OPHN1: variants seen among roughly 807,000 people sequenced by gnomAD.
OPHN1 encodes the protein oligophrenin 1.
OPHN1 carries 11 observed loss-of-function variants against 60.7 expected under a neutral mutation model. The observed-to-expected ratio is 0.18, with a 90% CI of 0.11 to 0.30. OPHN1 has a LOEUF of 0.30. Ranked by LOEUF, OPHN1 falls within the 10% of genes least tolerant of loss-of-function variation. The pLI, the probability that OPHN1 is intolerant of heterozygous loss-of-function variation, is 1.00. For missense variants in OPHN1, 449 were observed against 611.0 expected, an observed-to-expected ratio of 0.73 and a Z score of 2.80; for synonymous variants, 226 against 222.6, an observed-to-expected ratio of 1.02 and a Z score of -0.14.
At chrX:68,183,962 T>C (rs1412957570) in intron 15 of OPHN1, among the ~76,000 whole-genome samples, 1 of 111,849 alleles carries the variant, frequency 8.9e-6, no homozygotes, top group African/African-American at 3.3e-5. Flanking sequence ...ATAACAAATA[T>C]AACCTGACTC....
intron 2 of OPHN1, among the ~76,000 whole-genome samples, chrX:68,416,033 AATATATATATATATATATAT>A (rs1163304135): frequency 1.1e-3 from 33 of 29,710 alleles, no homozygotes; most frequent in South Asian, 9.1e-3. Flanking sequence ...AAAATTATAT[AATATATATATATATATATAT>A]ATATATATAT....
intron 18 of OPHN1, among the ~76,000 whole-genome samples, chrX:68,101,033 A>T (rs1218940563): frequency 9.0e-6 from 1 of 111,560 alleles, no homozygotes; most frequent in African/African-American, 3.3e-5. Context: ...GGCGTGAGCC[A>T]CCGTGCCCAG....
At chrX:68,103,312 T>TA (rs1441238277) in intron 18 of OPHN1, among the ~76,000 whole-genome samples, 1 of 111,909 alleles carries the variant, frequency 8.9e-6, no homozygotes, top group Non-Finnish European at 1.9e-5. Flanking sequence ...AAAGGGCCTT[T>TA]GATAAATTTG....
At chrX:68,052,763 C>T (rs1395748960) in intron 22 of OPHN1, among the ~76,000 whole-genome samples, 173 bp from the exon 23 acceptor site, 1 of 112,039 alleles carries the variant, frequency 8.9e-6, no homozygotes, top group Admixed American at 9.4e-5. Context: ...AGCCCATAGG[C>T]ACCCCTAAGG....
At chrX:68,097,650 A>C (rs1235816834) in intron 18 of OPHN1, among the ~76,000 whole-genome samples, 1 of 111,556 alleles carries the variant, frequency 9.0e-6, no homozygotes, top group Non-Finnish European at 1.9e-5. Context: ...TCATTGCTTA[A>C]ATTCCCTTTA....
At chrX:68,125,845 T>C (rs2077167734) in intron 15 of OPHN1, among the ~76,000 whole-genome samples, 1 of 97,704 alleles carries the variant, frequency 1.0e-5, no homozygotes, top group Non-Finnish European at 2.0e-5. Flanking sequence ...AGGCCAATAT[T>C]ACCCTGATAC....
At chrX:68,209,242 G>C (rs1406926011) in intron 9 of OPHN1, among the ~76,000 whole-genome samples, 1 of 111,993 alleles carries the variant, frequency 8.9e-6, no homozygotes, top group African/African-American at 3.2e-5. Flanking sequence ...AATTAGGAAA[G>C]ATTGAATGCT....
chrX:68,080,623 CT>C (rs1420262845), intron 19 of OPHN1, among the ~76,000 whole-genome samples: 1 of 111,978 alleles, frequency 8.9e-6, no homozygotes, highest in African/African-American at 3.3e-5. Flanking sequence ...TACATTCTGT[CT>C]TTTTTTCCCT....
chrX:68,234,626 T>C (rs2077744108), intron 5 of OPHN1, 38 bp from the exon 6 acceptor site: 1 of 970,396 alleles, frequency 1.0e-6, no homozygotes, highest in Admixed American at 2.2e-5. Context: ...TAAATGTCTG[T>C]AGTTGTAACT....
At chrX:68,273,295 A>G (rs1224737562) in intron 5 of OPHN1, among the ~76,000 whole-genome samples, 1 of 112,340 alleles carries the variant, frequency 8.9e-6, no homozygotes, top group African/African-American at 3.2e-5. Flanking sequence ...TCTTAGTCCT[A>G]AGAAAACTAG....
At chrX:68,091,641 T>C (rs957767916) in intron 19 of OPHN1, among the ~76,000 whole-genome samples, 6 of 111,473 alleles carry the variant, frequency 5.4e-5, no homozygotes, top group Non-Finnish European at 1.1e-4. Flanking sequence ...ATCTACCCTA[T>C]ATTTTGTCCC....
chrX:68,290,641 G>A (rs953241223), intron 3 of OPHN1, among the ~76,000 whole-genome samples: 7 of 108,752 alleles, frequency 6.4e-5, no homozygotes, highest in African/African-American at 2.0e-4. Flanking sequence ...ACAAAAATTA[G>A]CCAGGTGAGG....
In OPHN1 at chrX:68,352,034, G is replaced by A. The variant is rs956875863; in HGVS notation, c.155-52938C>T. ...TGGGACTACAGTTGCCCGCCACCGC[G>A]CCCGGCTAATTTATTTTTGTATTTT... On this transcript the variant is annotated intron_variant, in intron 2 of 24. Coordinates refer to ENST00000355520, the MANE Select transcript of OPHN1 (RefSeq NM_002547.3). 2.8e-5 allele frequency among the ~76,000 whole-genome samples: 3 copies of A among 108,649 alleles called. No homozygotes were observed. The Admixed American group carries it at 3.0e-4, about 11-fold the overall frequency. The allele number at this position is 108,649 out of a possible 115,157, so 94.3% of individuals were successfully genotyped here.
At chrX:68,171,547 C>T (rs912346151) in intron 15 of OPHN1, among the ~76,000 whole-genome samples, 4 of 110,584 alleles carry the variant, frequency 3.6e-5, no homozygotes, top group Non-Finnish European at 5.7e-5. Flanking sequence ...ACTAGCCTGG[C>T]CAACATGGTG....
chrX:68,078,654 G>A (rs775211881), intron 19 of OPHN1, among the ~76,000 whole-genome samples: 3 of 110,752 alleles, frequency 2.7e-5, no homozygotes, highest in Non-Finnish European at 5.7e-5. Flanking sequence ...CACAGATGGC[G>A]TCACCTCATA....
At chrX:68,339,452 T>G (rs73212882) in intron 2 of OPHN1, among the ~76,000 whole-genome samples, 9,822 of 110,991 alleles carry the variant, frequency 0.088, 479 homozygotes, top group Non-Finnish European at 0.13. Context: ...ACATGCAGAT[T>G]GGAAAGGAAG....
intron 18 of OPHN1, among the ~76,000 whole-genome samples, chrX:68,106,069 C>T (rs1443903319): frequency 3.0e-5 from 3 of 99,398 alleles, no homozygotes; most frequent in Non-Finnish European, 4.0e-5. Context: ...CACACACACA[C>T]AACGAGAGAG....
intron 15 of OPHN1, among the ~76,000 whole-genome samples, chrX:68,129,753 G>C (rs1422966355): frequency 9.0e-6 from 1 of 111,604 alleles, no homozygotes; most frequent in East Asian, 2.8e-4. Context: ...ATATTACTGA[G>C]AAAAATCTAG....
intron 15 of OPHN1, chrX:68,192,628 A>C (rs1355377438): frequency 3.1e-6 from 1 of 320,142 alleles, no homozygotes; most frequent in East Asian, 5.6e-5. Context: ...GGATTTGGTA[A>C]GAAGATACCG....
Sources: allele counts gnomAD v4.1 joint callset (sites outside exome capture counted in the v4.1 genomes callset), GRCh38; gene constraint gnomAD v4.1.1; transcripts MANE v1.5; gene names NCBI Gene and HGNC (gene_info 2026-07-23, HGNC 2026-07-21).